Variants in FHIT observed in about 807,000 individuals in gnomAD.
FHIT encodes the protein bis(5'-adenosyl)-triphosphatase.
In FHIT, 19 loss-of-function variants were observed where a neutral mutation model predicts 17.9. The ratio of observed to expected loss-of-function variants is 1.06; its 90% CI spans 0.74 to 1.56. The LOEUF is 1.56. FHIT is among the 40% of genes most tolerant of loss of function. The pLI, the probability that FHIT is intolerant of heterozygous loss-of-function variation, is 0.00. For synonymous variants in FHIT, 81 were observed against 69.7 expected (o/e 1.16, Z -0.81); for missense variants, 248 against 189.2 (o/e 1.31, Z -1.82).
chr3:61,125,379 A>G (rs2036578370), intron 2 of FHIT, among the ~76,000 whole-genome samples: 1 of 152,204 alleles, frequency 6.6e-6, no homozygotes, highest in South Asian at 2.1e-4. Context: ...AAATCATTTT[A>G]GTCAATAGCA....
At chr3:61,115,849 T>C (rs1324670665) in intron 2 of FHIT, among the ~76,000 whole-genome samples, 1 of 152,084 alleles carries the variant, frequency 6.6e-6, no homozygotes, top group Non-Finnish European at 1.5e-5. Flanking sequence ...GCTGTTCATA[T>C]GAGAGATGCA....
At chr3:60,170,772 T>C in intron 5 of FHIT, among the ~76,000 whole-genome samples, 1 of 152,178 alleles carries the variant, frequency 6.6e-6, no homozygotes, top group East Asian at 1.9e-4. Flanking sequence ...TACTTCCAAA[T>C]AGTATTTAGT....
chr3:60,637,448 A>G (rs1553684210), intron 4 of FHIT, among the ~76,000 whole-genome samples: 1 of 152,196 alleles, frequency 6.6e-6, no homozygotes, highest in African/African-American at 2.4e-5. Context: ...TATTTAAAAA[A>G]TAACTACTAT....
intron 4 of FHIT, among the ~76,000 whole-genome samples, chr3:60,677,049 A>AT (rs2040636778): frequency 6.6e-6 from 1 of 151,772 alleles, no homozygotes; most frequent in African/African-American, 2.4e-5. Context: ...TAATTTTTGT[A>AT]TTTTTTTGGT....
At chr3:60,657,287 T>C (rs1326861110) in intron 4 of FHIT, among the ~76,000 whole-genome samples, 1 of 152,158 alleles carries the variant, frequency 6.6e-6, no homozygotes, top group African/African-American at 2.4e-5. Flanking sequence ...AACTGACATT[T>C]GGAGAGTTCT....
At chr3:59,901,926 C>T (rs7632050) in intron 8 of FHIT, among the ~76,000 whole-genome samples, 8,890 of 152,076 alleles carry the variant, frequency 0.058, 595 homozygotes, top group African/African-American at 0.17. Flanking sequence ...TAAAATATGG[C>T]CTAGCCATAC....
intron 4 of FHIT, among the ~76,000 whole-genome samples, chr3:60,679,471 T>G (rs1398435566): frequency 6.6e-6 from 1 of 152,178 alleles, no homozygotes; most frequent in Non-Finnish European, 1.5e-5. Context: ...TGCCTTCTTT[T>G]TTTGCTATTT....
intron 5 of FHIT, among the ~76,000 whole-genome samples, chr3:60,038,162 A>C (rs1469461695): frequency 6.6e-6 from 1 of 152,138 alleles, no homozygotes; most frequent in Non-Finnish European, 1.5e-5. Context: ...TTTTATGTTC[A>C]GTTTCCTAAC....
At chr3:60,020,354 G>A (rs1395762309) in intron 5 of FHIT, among the ~76,000 whole-genome samples, 1 of 152,160 alleles carries the variant, frequency 6.6e-6, no homozygotes, top group Non-Finnish European at 1.5e-5. Flanking sequence ...AAAGATGACA[G>A]CAGAATATTA....
chr3:61,175,033 C>A (rs2038116540), intron 2 of FHIT, among the ~76,000 whole-genome samples: 1 of 151,990 alleles, frequency 6.6e-6, no homozygotes, highest in Non-Finnish European at 1.5e-5. Flanking sequence ...TGGATCCTAA[C>A]AGGACGTCTG....
chr3:60,553,498 AAAAAATATAT>A (rs1250771350), intron 4 of FHIT: 20 of 99,992 alleles, frequency 2.0e-4, no homozygotes, highest in African/African-American at 9.0e-4. Flanking sequence ...TATATATTTA[AAAAAATATAT>A]ATATATATAT....
At chr3:60,073,449 ATCTT>A (rs1016406674) in intron 5 of FHIT, among the ~76,000 whole-genome samples, 3 of 152,094 alleles carry the variant, frequency 2.0e-5, no homozygotes, top group Admixed American at 6.6e-5. Context: ...CAGCCCCAGA[ATCTT>A]TCTTTAATGA....
intron 5 of FHIT, among the ~76,000 whole-genome samples, chr3:60,051,065 G>A (rs766581413): frequency 1.2e-4 from 19 of 152,080 alleles, no homozygotes; most frequent in Non-Finnish European, 2.6e-4. Flanking sequence ...TTATAACACG[G>A]GGCATCAATG....
intron 4 of FHIT, among the ~76,000 whole-genome samples, chr3:60,800,256 A>G (rs1460356377): frequency 6.6e-6 from 1 of 152,236 alleles, no homozygotes; most frequent in African/African-American, 2.4e-5. Flanking sequence ...TCAGCCCCAA[A>G]TAATAGGTCT....
intron 4 of FHIT, among the ~76,000 whole-genome samples, chr3:60,601,101 C>A (rs17063617): frequency 0.014 from 2,143 of 152,278 alleles, 53 homozygotes; most frequent in African/African-American, 0.048. Context: ...AGTGACAGAA[C>A]CTTTGAAAGC....
intron 4 of FHIT, among the ~76,000 whole-genome samples, chr3:60,800,091 T>TC (rs35026899): frequency 0.68 from 103,220 of 151,862 alleles, 37,404 homozygotes; most frequent in East Asian, 0.85. Flanking sequence ...AATATCAGGG[T>TC]CCCCCAACTA....
intron 5 of FHIT, among the ~76,000 whole-genome samples, chr3:60,291,368 G>C (rs541874550): frequency 6.6e-6 from 1 of 152,068 alleles, no homozygotes; most frequent in Admixed American, 6.6e-5. Context: ...ATTTCTGGTC[G>C]CCTCCACCCT....
chr3:60,155,414 C>T (rs979069557), intron 5 of FHIT, among the ~76,000 whole-genome samples: 45 of 152,116 alleles, frequency 3.0e-4, no homozygotes, highest in African/African-American at 9.7e-4. Flanking sequence ...AACTACCCCA[C>T]GCAGCAAAGT....
At chr3:60,185,884 G>A (rs1702138244) in intron 5 of FHIT, among the ~76,000 whole-genome samples, 1 of 152,084 alleles carries the variant, frequency 6.6e-6, no homozygotes, top group African/African-American at 2.4e-5. Flanking sequence ...GTACTAATTT[G>A]CAACTCTCTA....
Sources: gnomAD v4.1 joint callset for allele counts (sites outside exome capture counted in the v4.1 genomes callset) on GRCh38, gnomAD v4.1.1 for gene constraint, MANE v1.5 for transcripts, NCBI Gene and HGNC (gene_info 2026-07-23, HGNC 2026-07-21) for gene names.